GAS2: variants seen among roughly 807,000 people sequenced by gnomAD.
The protein encoded by GAS2 is growth arrest specific 2.
GAS2 carries 20 observed loss-of-function variants against 37.5 expected under a neutral mutation model. That is an observed-to-expected ratio of 0.53 (90% CI 0.37 to 0.77). The LOEUF (loss-of-function observed/expected upper bound fraction) is 0.77. Ranked by LOEUF, GAS2 falls within the 30% of genes least tolerant of loss-of-function variation. The probability of loss-of-function intolerance (pLI) is 0.00; values close to 1 mark genes in which losing one functional copy is unlikely to be tolerated. For missense variants in GAS2, 336 were observed against 373.4 expected (o/e 0.90, Z 0.82); for synonymous variants, 144 against 132.2 (o/e 1.09, Z -0.61).
chr11:22,730,969 T>C (rs931920448), intron 4 of GAS2, among the ~76,000 whole-genome samples: 1 of 151,828 alleles, frequency 6.6e-6, no homozygotes, highest in African/African-American at 2.4e-5. Context: ...AGTTTTACAA[T>C]TTAAATTAAG....
At chr11:22,653,747 A>G (rs554491038) in intron 1 of GAS2, among the ~76,000 whole-genome samples, 35 of 152,330 alleles carry the variant, frequency 2.3e-4, no homozygotes, top group African/African-American at 8.4e-4. Flanking sequence ...GGCAGTTTTA[A>G]ACGTGGCTTC....
chr11:22,669,392 C>T (rs1849114008), intron 1 of GAS2, among the ~76,000 whole-genome samples: 1 of 152,114 alleles, frequency 6.6e-6, no homozygotes, highest in Non-Finnish European at 1.5e-5. Flanking sequence ...TTCTTTAAAA[C>T]TTTAAAATAT....
chr11:22,689,577 T>C (rs1160208667), intron 3 of GAS2, among the ~76,000 whole-genome samples: 1 of 152,208 alleles, frequency 6.6e-6, no homozygotes, highest in African/African-American at 2.4e-5. Context: ...GCTACTATTG[T>C]TCATAAATAT....
At chr11:22,627,567 C>T (rs1858680070) in intron 1 of GAS2, among the ~76,000 whole-genome samples, 1 of 152,104 alleles carries the variant, frequency 6.6e-6, no homozygotes, top group Non-Finnish European at 1.5e-5. Flanking sequence ...TCAGGAGTTC[C>T]AGACCAGCCT....
At chr11:22,800,100 G>T (rs1180495602) in intron 7 of GAS2, among the ~76,000 whole-genome samples, 1 of 152,096 alleles carries the variant, frequency 6.6e-6, no homozygotes, top group East Asian at 1.9e-4. Context: ...GTACAGTTGT[G>T]CAGTGCACAT....
rs11026749 is a variant in GAS2 at position 22,722,923 on chromosome 11, T to G, written c.268-3369T>G. Among the ~76,000 whole-genome samples the G allele has an allele frequency of 2.0e-3, 309 of 152,038 alleles. 9 individuals carry two copies. The East Asian group carries it at 0.05, about 24-fold the overall frequency. ...ATTAAGCAGTTAGTTAATGGAAAAC[T>G]AATCCATATTAGTTTCCATTAACAT... On this transcript the variant is annotated intron_variant, in intron 3 of 7. Coordinates refer to ENST00000454584, the MANE Select transcript of GAS2 (RefSeq NM_001143830.3).
At chr11:22,678,119 C>A (rs1040385030) in intron 2 of GAS2, among the ~76,000 whole-genome samples, 1 of 152,068 alleles carries the variant, frequency 6.6e-6, no homozygotes, top group African/African-American at 2.4e-5. Flanking sequence ...TCAGTTCATA[C>A]AAAGTAGATA....
chr11:22,699,682 G>A (rs941414750), intron 3 of GAS2, among the ~76,000 whole-genome samples: 24 of 152,200 alleles, frequency 1.6e-4, no homozygotes, highest in African/African-American at 4.6e-4. Context: ...TCCTCTGTGC[G>A]TTAGTTTTCT....
chr11:22,643,244 G>A (rs1848651418), intron 1 of GAS2, among the ~76,000 whole-genome samples: 1 of 151,844 alleles, frequency 6.6e-6, no homozygotes, highest in Non-Finnish European at 1.5e-5. Flanking sequence ...TAAAGACATG[G>A]ATTAAAATAT....
At chr11:22,762,492 C>T (rs914934560) in intron 7 of GAS2, among the ~76,000 whole-genome samples, 1 of 152,266 alleles carries the variant, frequency 6.6e-6, no homozygotes, top group African/African-American at 2.4e-5. Context: ...CATTCCACTC[C>T]AAGCTGCCAC....
At chr11:22,747,713 G>GT (rs1466760438) in intron 5 of GAS2, among the ~76,000 whole-genome samples, 1 of 152,136 alleles carries the variant, frequency 6.6e-6, no homozygotes, top group Non-Finnish European at 1.5e-5. Flanking sequence ...GGGGGTCCAT[G>GT]TGGAGGGCTC....
intron 5 of GAS2, among the ~76,000 whole-genome samples, chr11:22,741,628 T>C (rs540325539): frequency 6.6e-6 from 1 of 152,278 alleles, no homozygotes; most frequent in African/African-American, 2.4e-5. Context: ...TGATTTTTAT[T>C]CATTACCTTT....
intron 1 of GAS2, among the ~76,000 whole-genome samples, chr11:22,670,776 G>A (rs1011940360): frequency 2.0e-5 from 3 of 152,080 alleles, no homozygotes; most frequent in African/African-American, 7.2e-5. Flanking sequence ...CTACTAAATG[G>A]TTAGGTAGTG....
At chr11:22,652,991 T>TTTTCTTTCTTTCTTTCTTTC (rs769554594) in intron 1 of GAS2, among the ~76,000 whole-genome samples, 1 of 6,300 alleles carries the variant, frequency 1.6e-4, no homozygotes, top group South Asian at 3.6e-3. Flanking sequence ...CTTTCTTTCT[T>TTTTCTTTCTTTCTTTCTTTC]TGTCTTTCTT....
At chr11:22,751,589 A>G (rs1382739050) in intron 6 of GAS2, among the ~76,000 whole-genome samples, 1 of 152,006 alleles carries the variant, frequency 6.6e-6, no homozygotes, top group Non-Finnish European at 1.5e-5. Context: ...TGTTGGCCAC[A>G]TGCTCTGGAA....
At chr11:22,774,429 C>G (rs985674745) in intron 7 of GAS2, among the ~76,000 whole-genome samples, 1 of 152,238 alleles carries the variant, frequency 6.6e-6, no homozygotes, top group African/African-American at 2.4e-5. Context: ...AACATGATCT[C>G]TTTCTGATTT....
At chr11:22,698,289 A>G (rs1173345887) in intron 3 of GAS2, among the ~76,000 whole-genome samples, 1 of 152,158 alleles carries the variant, frequency 6.6e-6, no homozygotes, top group African/African-American at 2.4e-5. Flanking sequence ...TAAATTCCTC[A>G]ACACAGTCAC....
At chr11:22,769,596 T>C (rs1016500170) in intron 7 of GAS2, among the ~76,000 whole-genome samples, 1 of 152,360 alleles carries the variant, frequency 6.6e-6, no homozygotes, top group Non-Finnish European at 1.5e-5. Context: ...AAATTACAGC[T>C]ATAATACTAT....
intron 3 of GAS2, among the ~76,000 whole-genome samples, chr11:22,705,607 A>C (rs1183346755): frequency 6.6e-6 from 1 of 152,190 alleles, no homozygotes; most frequent in Non-Finnish European, 1.5e-5. Context: ...AGTGATACCC[A>C]CCAGTGGTTC....
Sources: allele counts gnomAD v4.1 joint callset (sites outside exome capture counted in the v4.1 genomes callset), GRCh38; gene constraint gnomAD v4.1.1; transcripts MANE v1.5; gene names NCBI Gene and HGNC (gene_info 2026-07-23, HGNC 2026-07-21).